The following HTRA4 variants were observed in gnomAD, a reference collection of about 807,000 sequenced individuals.
HTRA4 encodes HtrA serine peptidase 4.
A neutral mutation model predicts 49.1 loss-of-function variants in HTRA4; 46 were observed. The ratio of observed to expected loss-of-function variants is 0.94; its 90% CI spans 0.74 to 1.20. The LOEUF (loss-of-function observed/expected upper bound fraction) is 1.20, where lower values mean the gene tolerates loss of function less well. Among genes scored for constraint, HTRA4 ranks in the 50% most tolerant of loss-of-function variants. HTRA4 has a pLI of 0.00. For missense variants in HTRA4, 602 were observed against 636.9 expected (o/e 0.95, Z 0.59); for synonymous variants, 261 against 264.0 (o/e 0.99, Z 0.11).
In HTRA4 at chr8:38,981,669, G is replaced by A; in HGVS notation, c.1016G>A (p.Gly339Asp). Reference sequence around the variant, plus strand: ...CCTTGCCAGGATGGTGATGTGATTGGCGTCAATTCATTGAGGGTGACTGAT... The same window carrying A: ...CCTTGCCAGGATGGTGATGTGATTGACGTCAATTCATTGAGGGTGACTGAT... ...PLVNLDGDVI[G>D]VNSLRVTDGI... is the part of the protein sequence containing the mutation. Residue 339 changes from glycine to aspartate, a missense_variant, in exon 6 of 9, where the codon GGC becomes GAC. Coordinates refer to ENST00000302495, the MANE Select transcript of HTRA4 (RefSeq NM_153692.4). The A allele has an allele frequency of 4.3e-6, 7 of 1,613,402 alleles. No homozygotes were observed. Among genetic ancestry groups the A allele is most frequent in the Non-Finnish European group, 4.2e-6 (5 of 1,179,814 alleles).
chr8:38,985,184 C>T (rs1470980732), intron 8 of HTRA4, among the ~76,000 whole-genome samples: 7 of 105,134 alleles, frequency 6.7e-5, no homozygotes, highest in Non-Finnish European at 1.2e-4. Context: ...TTTTTTGAGA[C>T]GGAGTCTCGC....
At chr8:38,976,859 C>T (rs770229999) in intron 3 of HTRA4, 120 bp downstream of exon 3, 31 of 972,110 alleles carry the variant, frequency 3.2e-5, no homozygotes, top group Non-Finnish European at 4.8e-5. Context: ...ATGCTTTTCT[C>T]TGGTTTCTTT....
chr8:38,979,319 G>T, intron 5 of HTRA4, 72 bp downstream of exon 5: 1 of 1,402,612 alleles, frequency 7.1e-7, no homozygotes, highest in Non-Finnish European at 1.0e-6. Context: ...TCCAGGCCAG[G>T]GGTGGTGGCT....
rs1258830053 is a variant in HTRA4, at chr8:38,982,565, T to C, written c.1172+10T>C. 8.7e-6 allele frequency: 14 copies of C among 1,613,770 alleles called. No individual in the cohort carries two copies. The highest frequency in any genetic ancestry group is 1.6e-4 in the Middle Eastern group (1 of 6,084). ...TGTCCCTCACTGTGCCGTAAGCATG[T>C]GTTTGAATATGTCTGGGTTGTTTTT... On this transcript the variant is annotated intron_variant, in intron 7 of 8. Transcript: ENST00000302495.
At chr8:38,985,753 C>A (rs1172850643) in intron 8 of HTRA4, among the ~76,000 whole-genome samples, 1 of 152,178 alleles carries the variant, frequency 6.6e-6, no homozygotes. Context: ...TGTAGACCAG[C>A]GTCATTAGCT....
Position 38,974,355 on chromosome 8 carries a change from C to T in HTRA4, c.92C>T (p.Ala31Val). ...LLLVPVLWAG[A>V]EKLHTQPSCP... is the part of the protein sequence containing the mutation. ...CTGGTGCCCGTCCTCTGGGCCGGGG[C>T]TGAAAAGCTACATACCCAGCCCTCC... The change falls in exon 1 of 9, where the codon GCT becomes GTT. Residue 31 changes from alanine (A) to valine (V), a missense_variant. By Grantham distance (64) the Ala-to-Val change is moderately conservative (BLOSUM62 0). Coordinates refer to ENST00000302495, the MANE Select transcript of HTRA4 (RefSeq NM_153692.4). 1 of 1,608,928 alleles carries T rather than the reference C, an allele frequency of 6.2e-7. No homozygotes were observed.
At chr8:38,984,912 T>C (rs1220937743) in intron 8 of HTRA4, among the ~76,000 whole-genome samples, 1 of 152,002 alleles carries the variant, frequency 6.6e-6, no homozygotes, top group East Asian at 1.9e-4. Context: ...TGAGACCCTG[T>C]CTCAAACAAA....
At position 38,974,607 on chromosome 8, in the gene HTRA4, T is replaced by C; in HGVS notation, c.344T>C (p.Val115Ala). Reference protein sequence around the residue: ...TCGCPTLGGAVCGSDRRTYPS... With the variant: ...TCGCPTLGGAACGSDRRTYPS... Reference sequence around the variant, plus strand: ...GGTTGCCCGACGCTGGGAGGGGCCGTGTGCGGCAGCGACAGGCGCACCTAC... The same window carrying C: ...GGTTGCCCGACGCTGGGAGGGGCCGCGTGCGGCAGCGACAGGCGCACCTAC... Residue 115 changes from valine (V) to alanine (A), a missense_variant, in exon 1 of 9, where the codon GTG becomes GCG. Transcript: ENST00000302495. The C allele has an allele frequency of 7.0e-7, 1 of 1,426,632 alleles. No individual in the cohort carries two copies. The highest frequency in any genetic ancestry group is 9.1e-7 in the Non-Finnish European group (1 of 1,096,982). 88.4% of individuals were successfully genotyped at this position (1,426,632 alleles called of 1,614,324 possible).
At chr8:38,978,499 A>C (rs1835380831) in intron 4 of HTRA4, among the ~76,000 whole-genome samples, 2 of 152,228 alleles carry the variant, frequency 1.3e-5, no homozygotes, top group Middle Eastern at 3.2e-3. Flanking sequence ...TTGCTGACTT[A>C]GGAGGCCTTT....
Position 38,977,952 on chromosome 8 carries a change from G to A in HTRA4, c.772-1G>A. 6.2e-7 allele frequency: 1 copy of A among 1,613,204 alleles called. No homozygotes were observed. Among genetic ancestry groups the A allele is most frequent in the Non-Finnish European group, 8.5e-7 (1 of 1,179,784 alleles). ...CCCCATCCCTTTTTGGGCACGTGCA[G>A]GCTGAACTTCCTGTACTGATGCTGG... On this transcript the variant is annotated splice_acceptor_variant, in intron 3 of 8. Transcript: ENST00000302495. LOFTEE classifies it high-confidence loss of function.
At chr8:38,983,160 A>C (rs1835444879) in intron 8 of HTRA4, 112 bp downstream of exon 8, 1 of 644,642 alleles carries the variant, frequency 1.6e-6, no homozygotes, top group African/African-American at 1.8e-5. Flanking sequence ...GCCACTACTT[A>C]CATGTAGTAT....
At chr8:38,982,821 T>A in intron 7 of HTRA4, 132 bp from the exon 8 acceptor site, 1 of 664,508 alleles carries the variant, frequency 1.5e-6, no homozygotes, top group Non-Finnish European at 2.6e-6. Flanking sequence ...AGAATGACTG[T>A]GATTAGCTTG....
In HTRA4 at chr8:38,979,259, CT is replaced by C; in HGVS notation, c.999+15del. 6.2e-7 allele frequency: 1 copy of C among 1,610,300 alleles called. No individual in the cohort carries two copies. The highest frequency in any genetic ancestry group is 8.5e-7 in the Non-Finnish European group (1 of 1,176,630). Reference sequence around the variant, plus strand: ...CTCTGGTGAACTTGGTAAGTGATCACTTTCCTTGTTGCTTCATGTTTCTTCT... The same window carrying C: ...CTCTGGTGAACTTGGTAAGTGATCACTTCCTTGTTGCTTCATGTTTCTTCT... On this transcript the variant is annotated intron_variant, in intron 5 of 8. Transcript: ENST00000302495.
chr8:38,987,090 C>T (rs552633093), intron 8 of HTRA4, among the ~76,000 whole-genome samples: 24 of 136,628 alleles, frequency 1.8e-4, no homozygotes, highest in Middle Eastern at 3.7e-3. Context: ...TATCCTCTTG[C>T]GTTAAGCTTC....
chr8:38,986,916 T>C (rs2129427986), intron 8 of HTRA4, among the ~76,000 whole-genome samples: 1 of 152,350 alleles, frequency 6.6e-6, no homozygotes, highest in Non-Finnish European at 1.5e-5. Flanking sequence ...TTATTAGTAA[T>C]AATTTGCAGG....
Position 38,987,617 on chromosome 8 carries a change from G to A in HTRA4, c.1269-319G>A, listed in dbSNP as rs1392040677. Among the ~76,000 whole-genome samples the A allele has an allele frequency of 8.5e-4, 129 of 152,204 alleles. 1 individual carries two copies. The highest frequency in any genetic ancestry group is 7.4e-5 in the Non-Finnish European group (5 of 68,026). On this transcript the variant is annotated intron_variant, in intron 8 of 8. Coordinates refer to ENST00000302495, the MANE Select transcript of HTRA4 (RefSeq NM_153692.4). ...TGGGAGCATGTTTGAAGTTCACAGA[G>A]GTCAGGGGTTGATAGAAATTAAAAG... is the stretch of plus-strand genomic sequence containing the variant.
intron 8 of HTRA4, 22 bp from the exon 9 acceptor site, chr8:38,987,914 C>CTTTTTTTT: frequency 6.5e-7 from 1 of 1,527,678 alleles, no homozygotes. Context: ...TCATGATCCT[C>CTTTTTTTT]TTTTTTTTCT....
chr8:38,981,173 G>A (rs1209929019), intron 5 of HTRA4, among the ~76,000 whole-genome samples: 7 of 137,204 alleles, frequency 5.1e-5, no homozygotes, highest in East Asian at 2.4e-4. Context: ...TCCGCCTCCC[G>A]GGTTCACGCC....
At chr8:38,979,724 C>T (rs370370747) in intron 5 of HTRA4, among the ~76,000 whole-genome samples, 2 of 152,222 alleles carry the variant, frequency 1.3e-5, no homozygotes, top group African/African-American at 4.8e-5. Flanking sequence ...ACTATGTTGC[C>T]CAGGCTGGTC....
Sources: gnomAD v4.1 joint callset for allele counts (sites outside exome capture counted in the v4.1 genomes callset) on GRCh38, gnomAD v4.1.1 for gene constraint, MANE v1.5 for transcripts, NCBI Gene and HGNC (gene_info 2026-07-23, HGNC 2026-07-21) for gene names.